The following BMP7 variants were observed in gnomAD, a reference collection of about 807,000 sequenced individuals.
The protein encoded by BMP7 is osteogenic protein 1.
In BMP7, 12 loss-of-function variants were observed where a neutral mutation model predicts 41.2. The observed-to-expected ratio is 0.29, with a 90% CI of 0.19 to 0.47. BMP7 has a LOEUF of 0.47. Ranked by LOEUF, BMP7 falls within the 20% of genes least tolerant of loss-of-function variation. The pLI, the probability that BMP7 is intolerant of heterozygous loss-of-function variation, is 0.99. For synonymous variants in BMP7, 248 were observed against 250.0 expected, an observed-to-expected ratio of 0.99 and a Z score of 0.07; for missense variants, 467 against 606.0, an observed-to-expected ratio of 0.77 and a Z score of 2.41.
intron 1 of BMP7, among the ~76,000 whole-genome samples, chr20:57,230,194 G>A (rs576580140): frequency 1.3e-5 from 2 of 152,246 alleles, no homozygotes; most frequent in East Asian, 3.9e-4. Context: ...CGCCCCTCAC[G>A]CCCACAAGGA....
chr20:57,206,196 C>G (rs916404583), intron 2 of BMP7, among the ~76,000 whole-genome samples: 2 of 152,132 alleles, frequency 1.3e-5, no homozygotes, highest in East Asian at 1.9e-4. Flanking sequence ...GCCTCCCCGG[C>G]CCAGCCCAGG....
At chr20:57,256,644 G>T (rs1016826971) in intron 1 of BMP7, among the ~76,000 whole-genome samples, 5 of 152,202 alleles carry the variant, frequency 3.3e-5, no homozygotes, top group African/African-American at 9.6e-5. Context: ...AAGGCGGGTG[G>T]ATAAAACCTG....
In BMP7 at chr20:57,228,213, C is replaced by T. The variant is rs750864996; in HGVS notation, c.611+16G>A. On this transcript the variant is annotated intron_variant, in intron 2 of 6. Coordinates refer to ENST00000395863, the MANE Select transcript of BMP7 (RefSeq NM_001719.3). The surrounding 1 kb of genome is among the most constrained non-coding windows in gnomAD (Gnocchi z 4.5). ...GGAAACTCAGCACCTCTCCCAGATA[C>T]CCGTATAGCACCCACCTGCCCAAGT... The T allele has an allele frequency of 1.9e-6, 3 of 1,612,394 alleles. No homozygotes were observed. The highest frequency in any genetic ancestry group is 2.5e-6 in the Non-Finnish European group (3 of 1,179,652).
chr20:57,257,056 C>T (rs968363936), intron 1 of BMP7, among the ~76,000 whole-genome samples: 9 of 152,156 alleles, frequency 5.9e-5, no homozygotes, highest in African/African-American at 2.2e-4. Context: ...GCACCTTATT[C>T]GTAACATTCT....
intron 3 of BMP7, among the ~76,000 whole-genome samples, chr20:57,200,758 G>A (rs151097715): frequency 0.031 from 4,722 of 152,202 alleles, 254 homozygotes; most frequent in African/African-American, 0.11. Flanking sequence ...TCGTGCCATT[G>A]CACTCCAGCC....
At chr20:57,199,987 G>A (rs941428767) in intron 3 of BMP7, among the ~76,000 whole-genome samples, 2 of 152,208 alleles carry the variant, frequency 1.3e-5, no homozygotes, top group African/African-American at 4.8e-5. Context: ...GCAACCTGCA[G>A]CCACTAGGCT....
rs952898463 is a variant in BMP7 at position 57,259,184 on chromosome 20, T to C, written c.418+6521A>G. On this transcript the variant is annotated intron_variant, in intron 1 of 6. Coordinates refer to ENST00000395863, the MANE Select transcript of BMP7 (RefSeq NM_001719.3). This position sits in a 1 kb window ranked among gnomAD's most constrained non-coding sequence, Gnocchi z 4.7. ...CACACCCACTGCTGTCACCGAGAAC[T>C]TCCGTTACACGGCAGTGAAGCCCCC... is the stretch of plus-strand genomic sequence containing the variant. Among the ~76,000 whole-genome samples, 21 of 152,096 alleles carry C rather than the reference T, an allele frequency of 1.4e-4. No individual in the cohort carries two copies. Among genetic ancestry groups the C allele is most frequent in the South Asian group, 6.2e-4 (3 of 4,812 alleles).
In BMP7 at chr20:57,220,678, C is replaced by T. The variant is rs559232834; in HGVS notation, c.611+7551G>A. On this transcript the variant is annotated intron_variant, in intron 2 of 6. Coordinates refer to ENST00000395863, the MANE Select transcript of BMP7 (RefSeq NM_001719.3). The stretch of plus-strand genomic sequence containing the variant: ...CTATTTGCAAACAAGAACCGACCTA[C>T]CCTTGGGCACCCACTGGCACACAGC... 1.1e-4 allele frequency among the ~76,000 whole-genome samples: 17 copies of T among 152,322 alleles called. No homozygotes were observed. In the South Asian group the frequency reaches 3.5e-3, roughly 32 times the overall value.
chr20:57,254,017 CTTTTTTTT>C (rs35180643), intron 1 of BMP7, among the ~76,000 whole-genome samples: 12 of 71,532 alleles, frequency 1.7e-4, no homozygotes, highest in Admixed American at 6.6e-4. Flanking sequence ...GGTTTCTTTC[CTTTTTTTT>C]TTTTTTTTTT....
At chr20:57,184,699 G>C (rs1984170753) in intron 3 of BMP7, among the ~76,000 whole-genome samples, 1 of 152,074 alleles carries the variant, frequency 6.6e-6, no homozygotes, top group African/African-American at 2.4e-5. Context: ...GCTCATCCTG[G>C]ATTAGGATGA....
intron 3 of BMP7, among the ~76,000 whole-genome samples, chr20:57,192,111 AT>A (rs1242610729): frequency 3.2e-5 from 4 of 124,108 alleles, no homozygotes; most frequent in Non-Finnish European, 6.3e-5. Flanking sequence ...TTTATATAAT[AT>A]ATACATATTA....
At chr20:57,208,457 T>C (rs1984794537) in intron 2 of BMP7, among the ~76,000 whole-genome samples, 1 of 152,162 alleles carries the variant, frequency 6.6e-6, no homozygotes, top group Non-Finnish European at 1.5e-5. Flanking sequence ...CTGGCAAGGA[T>C]GTAGAGAAAG....
At chr20:57,241,003 A>G (rs2066066743) in intron 1 of BMP7, among the ~76,000 whole-genome samples, 1 of 152,174 alleles carries the variant, frequency 6.6e-6, no homozygotes, top group Non-Finnish European at 1.5e-5. Context: ...CTGCCACTTC[A>G]CATGTATATA....
At chr20:57,229,418 G>A (rs1046352755) in intron 1 of BMP7, among the ~76,000 whole-genome samples, 1 of 152,114 alleles carries the variant, frequency 6.6e-6, no homozygotes, top group Non-Finnish European at 1.5e-5. Context: ...TCCTGGCAGC[G>A]GTATTAGACT....
intron 2 of BMP7, among the ~76,000 whole-genome samples, chr20:57,227,671 A>C (rs1409726967): frequency 6.6e-6 from 1 of 152,190 alleles, no homozygotes; most frequent in Non-Finnish European, 1.5e-5. Flanking sequence ...TAAATGTCCC[A>C]GCCCTTTTTC....
intron 1 of BMP7, among the ~76,000 whole-genome samples, chr20:57,242,194 AGTCATTTTTGGTT>A (rs1388237941): frequency 6.6e-6 from 1 of 152,176 alleles, no homozygotes; most frequent in Non-Finnish European, 1.5e-5. Flanking sequence ...CATTGTCTGG[AGTCATTTTTGGTT>A]GTCATAACTT....
chr20:57,242,588 G>C (rs768344742), intron 1 of BMP7, among the ~76,000 whole-genome samples: 1 of 152,218 alleles, frequency 6.6e-6, no homozygotes, highest in Non-Finnish European at 1.5e-5. Flanking sequence ...GGGCAGCTTG[G>C]AGGCTCTATC....
In BMP7 at chr20:57,212,404, G is replaced by A. The variant is rs368514096; in HGVS notation, c.612-9781C>T. On this transcript the variant is annotated intron_variant, in intron 2 of 6. Transcript: ENST00000395863. The stretch of plus-strand genomic sequence containing the variant: ...GTCAGGTCTTGCTGAGCGCTGGGAA[G>A]CCGGGAGGAGTTCTAAGCAGGAGTG... Among the ~76,000 whole-genome samples, 167 of 152,316 alleles carry A rather than the reference G, an allele frequency of 1.1e-3. 1 individual carries two copies. In the South Asian group the frequency reaches 0.025, roughly 23 times the overall value.
chr20:57,233,323 C>T (rs1034530210), intron 1 of BMP7, among the ~76,000 whole-genome samples: 1 of 152,138 alleles, frequency 6.6e-6, no homozygotes, highest in African/African-American at 2.4e-5. Context: ...ATTAAAAGGG[C>T]CTAAATCCCC....
Sources: allele counts gnomAD v4.1 joint callset (sites outside exome capture counted in the v4.1 genomes callset), GRCh38; gene constraint gnomAD v4.1.1; non-coding constraint Gnocchi (gnomAD v3.1); transcripts MANE v1.5; gene names NCBI Gene and HGNC (gene_info 2026-07-23, HGNC 2026-07-21).